Variants in ARHGEF28 observed in about 807,000 individuals in gnomAD.
ARHGEF28 encodes 190 kDa guanine nucleotide exchange factor.
In ARHGEF28, 152 loss-of-function variants were observed where a neutral mutation model predicts 206.6. The ratio of observed to expected loss-of-function variants is 0.74; its 90% CI spans 0.64 to 0.84. ARHGEF28 has a LOEUF of 0.84. Among genes scored for constraint, ARHGEF28 ranks in the 40% least tolerant of loss-of-function variants. ARHGEF28 has a pLI of 0.00. For missense variants in ARHGEF28, 2,028 were observed against 2,073.2 expected (o/e 0.98, Z 0.42); for synonymous variants, 763 against 776.4 (o/e 0.98, Z 0.29).
At chr5:73,785,745 T>C (rs1754119278) in intron 7 of ARHGEF28, among the ~76,000 whole-genome samples, 1 of 152,216 alleles carries the variant, frequency 6.6e-6, no homozygotes, top group Admixed American at 6.5e-5. Flanking sequence ...TGTTACTTTG[T>C]TGGCTTCTCC....
intron 2 of ARHGEF28, among the ~76,000 whole-genome samples, chr5:73,688,708 G>A (rs1747622549): frequency 6.6e-6 from 1 of 152,140 alleles, no homozygotes; most frequent in African/African-American, 2.4e-5. Context: ...CCAGGCTGGA[G>A]CACAGTGGCA....
At chr5:73,887,454 T>C (rs2112675828) in intron 25 of ARHGEF28, 149 bp from the exon 26 acceptor site, 1 of 587,964 alleles carries the variant, frequency 1.7e-6, no homozygotes, top group East Asian at 2.9e-5. Flanking sequence ...TTCTATTAAG[T>C]TATTAATAGC....
At chr5:73,651,750 C>T (rs1055270551) in intron 1 of ARHGEF28, among the ~76,000 whole-genome samples, 1 of 152,010 alleles carries the variant, frequency 6.6e-6, no homozygotes, top group Non-Finnish European at 1.5e-5. Flanking sequence ...CTGTATTATT[C>T]TCATTGTGGG....
chr5:73,914,361 G>A (rs1367206483), intron 35 of ARHGEF28, among the ~76,000 whole-genome samples: 1 of 144,818 alleles, frequency 6.9e-6, no homozygotes, highest in Non-Finnish European at 1.5e-5. Flanking sequence ...AGCCCATGCT[G>A]TCAATCATTA....
At chr5:73,869,471 A>G (rs901389838) in intron 20 of ARHGEF28, among the ~76,000 whole-genome samples, 1 of 152,188 alleles carries the variant, frequency 6.6e-6, no homozygotes, top group African/African-American at 2.4e-5. Flanking sequence ...CAAAAATAAA[A>G]CTAAAATAGA....
intron 20 of ARHGEF28, among the ~76,000 whole-genome samples, chr5:73,869,217 TGGGGTGGAGG>T (rs1440375109): frequency 2.6e-4 from 2 of 7,618 alleles, no homozygotes; most frequent in African/African-American, 1.5e-3. Flanking sequence ...AGTGTGTGTG[TGGGGTGGAGG>T]GGGGTGGGGA....
At chr5:73,770,575 T>C (rs1170727529) in intron 4 of ARHGEF28, among the ~76,000 whole-genome samples, 1 of 152,218 alleles carries the variant, frequency 6.6e-6, no homozygotes. Context: ...CTCTGCCAAA[T>C]TGTATAACCT....
chr5:73,674,678 G>A (rs1446129703), intron 1 of ARHGEF28, among the ~76,000 whole-genome samples: 1 of 152,214 alleles, frequency 6.6e-6, no homozygotes. Flanking sequence ...AAGACTAAGG[G>A]AAGATTAGAG....
At chr5:73,817,159 C>T (rs182152005) in intron 9 of ARHGEF28, among the ~76,000 whole-genome samples, 51 of 152,244 alleles carry the variant, frequency 3.3e-4, no homozygotes, top group Admixed American at 9.8e-4. Context: ...TGCCTTTTAT[C>T]CACTTGTGCA....
At chr5:73,764,971 C>T (rs1263401162) in intron 4 of ARHGEF28, among the ~76,000 whole-genome samples, 2 of 152,032 alleles carry the variant, frequency 1.3e-5, no homozygotes, top group African/African-American at 4.8e-5. Flanking sequence ...CTCTCTTCTA[C>T]TCTCTATGTA....
At chr5:73,899,184 T>A (rs1762124698) in intron 30 of ARHGEF28, 1 of 152,202 alleles carries the variant, frequency 6.6e-6, no homozygotes, top group Admixed American at 6.5e-5. Flanking sequence ...CCCAGATTCA[T>A]CAGGGGAGTT....
chr5:73,828,726 CTCTG>C lies in ARHGEF28; in HGVS notation c.1025-3608_1025-3605del, dbSNP rs200207605. Among the ~76,000 whole-genome samples the C allele has an allele frequency of 3.1e-4, 47 of 149,724 alleles. No homozygotes were observed. In the East Asian group the frequency reaches 6.9e-3, roughly 22 times the overall value. ...TCTCTGTCTCTTTCTCTTTCTTTCTCTCTGTCTTTCTCTTTCTTTCTCTCTTCCT... is the reference window on the plus strand; with the variant it reads ...TCTCTGTCTCTTTCTCTTTCTTTCTCTCTTTCTCTTTCTTTCTCTCTTCCT... On this transcript the variant is annotated intron_variant, in intron 9 of 35. Coordinates refer to ENST00000513042, the MANE Select transcript of ARHGEF28 (RefSeq NM_001177693.2).
At chr5:73,916,102 GT>G (rs1219618283) in intron 35 of ARHGEF28, among the ~76,000 whole-genome samples, 1 of 152,000 alleles carries the variant, frequency 6.6e-6, no homozygotes, top group African/African-American at 2.4e-5. Flanking sequence ...ACTTTGACAA[GT>G]TTTTTATGTA....
intron 1 of ARHGEF28, among the ~76,000 whole-genome samples, chr5:73,626,600 CGGGGGCTGGGCGGGTGAAAGCCCCGCCAG>C (rs966712054): frequency 6.6e-6 from 1 of 152,052 alleles, no homozygotes; most frequent in Non-Finnish European, 1.5e-5. Context: ...CACTGAGAGC[CGGGGGCTGGGCGGGTGAAAGCCCCGCCAG>C]TGTCCTTCGG....
intron 16 of ARHGEF28, among the ~76,000 whole-genome samples, chr5:73,859,478 T>C (rs1759257486): frequency 6.6e-6 from 1 of 152,250 alleles, no homozygotes; most frequent in South Asian, 2.1e-4. Flanking sequence ...GCTGGACATC[T>C]GATCAAAATA....
chr5:73,694,528 T>G (rs1362592465), intron 2 of ARHGEF28, among the ~76,000 whole-genome samples: 1 of 152,238 alleles, frequency 6.6e-6, no homozygotes, highest in Non-Finnish European at 1.5e-5. Flanking sequence ...GGAAATGGGT[T>G]AGAGTTTTCT....
At chr5:73,659,479 G>A (rs996641946) in intron 1 of ARHGEF28, among the ~76,000 whole-genome samples, 3 of 151,544 alleles carry the variant, frequency 2.0e-5, no homozygotes, top group Admixed American at 6.6e-5. Context: ...GCAGTGAGCC[G>A]AGATCGGCCA....
At chr5:73,699,456 T>C (rs1748454346) in intron 2 of ARHGEF28, among the ~76,000 whole-genome samples, 1 of 151,944 alleles carries the variant, frequency 6.6e-6, no homozygotes, top group South Asian at 2.1e-4. Flanking sequence ...CTAAACAATT[T>C]AGGAAGAGTT....
Position 73,905,826 on chromosome 5 carries a change from A to G in ARHGEF28, c.4161+1421A>G, listed in dbSNP as rs568823038. ...AAGAATTATTTTGTTTAGGTTTTCA[A>G]TAGACTTTGCCAAAATAATCAAATC... On this transcript the variant is annotated intron_variant, in intron 33 of 35. Coordinates refer to ENST00000513042, the MANE Select transcript of ARHGEF28 (RefSeq NM_001177693.2). Among the ~76,000 whole-genome samples, 6 of 152,348 alleles carry G rather than the reference A, an allele frequency of 3.9e-5. No homozygotes were observed. The South Asian group carries it at 6.2e-4, about 16-fold the overall frequency.
Sources: gnomAD v4.1 joint callset for allele counts (sites outside exome capture counted in the v4.1 genomes callset) on GRCh38, gnomAD v4.1.1 for gene constraint, MANE v1.5 for transcripts, NCBI Gene and HGNC (gene_info 2026-07-23, HGNC 2026-07-21) for gene names.